CFI: variants seen among roughly 807,000 people sequenced by gnomAD.
The protein encoded by CFI is C3B/C4B inactivator.
In CFI, 66 loss-of-function variants were observed where a neutral mutation model predicts 78.8. The ratio of observed to expected loss-of-function variants is 0.84; its 90% CI spans 0.69 to 1.03. The LOEUF (loss-of-function observed/expected upper bound fraction) is 1.03, where lower values mean the gene tolerates loss of function less well. Among genes scored for constraint, CFI ranks in the 50% least tolerant of loss-of-function variants. CFI has a pLI of 0.00. For synonymous variants in CFI, 250 were observed against 232.6 expected (o/e 1.07, Z -0.68); for missense variants, 706 against 704.5 (o/e 1.00, Z -0.02).
chr4:109,746,042 A>G (rs1724369917), intron 11 of CFI, among the ~76,000 whole-genome samples, 180 bp downstream of exon 11: 1 of 152,182 alleles, frequency 6.6e-6, no homozygotes, highest in East Asian at 1.9e-4. Flanking sequence ...CCTTCTGAGC[A>G]TGGGGTGCTG....
chr4:109,792,632 C>T (rs368213277), intron 1 of CFI, among the ~76,000 whole-genome samples: 3 of 152,068 alleles, frequency 2.0e-5, no homozygotes, highest in Non-Finnish European at 4.4e-5. Flanking sequence ...TATTCTGTCA[C>T]TTTTCATTCA....
At chr4:109,797,842 T>C (rs1373503313) in intron 1 of CFI, among the ~76,000 whole-genome samples, 5 of 152,120 alleles carry the variant, frequency 3.3e-5, no homozygotes, top group Non-Finnish European at 7.4e-5. Context: ...ATTAGGGAAA[T>C]TTAAATCAAA....
At chr4:109,769,822 C>T (rs1384096395) in intron 1 of CFI, among the ~76,000 whole-genome samples, 1 of 152,170 alleles carries the variant, frequency 6.6e-6, no homozygotes, top group African/African-American at 2.4e-5. Flanking sequence ...CTGCTGCCTA[C>T]CATTGAAACA....
At chr4:109,752,021 CA>C (rs1725205589) in intron 8 of CFI, among the ~76,000 whole-genome samples, 2 of 152,152 alleles carry the variant, frequency 1.3e-5, no homozygotes. Context: ...TTTTAGCGCA[CA>C]ACTGGCCAAG....
chr4:109,795,313 TCACACGGGCCTTGCCAGCTGACC>T (rs1350886460), intron 1 of CFI, among the ~76,000 whole-genome samples: 3 of 152,168 alleles, frequency 2.0e-5, no homozygotes, highest in Admixed American at 2.0e-4. Context: ...AACAAGCCGT[TCACACGGGCCTTGCCAGCTGACC>T]CACCCAGAAT....
Position 109,742,346 on chromosome 4 carries a change from C to G in CFI, c.1534+145G>C, listed in dbSNP as rs1199993341. Reference sequence around the variant, plus strand: ...AGAAACCTGAGCTACAGGGAAGGGACTGAAAGAGTTTGAGAGTGCTACAGC... The same window carrying G: ...AGAAACCTGAGCTACAGGGAAGGGAGTGAAAGAGTTTGAGAGTGCTACAGC... On this transcript the variant is annotated intron_variant, in intron 12 of 12. Coordinates refer to ENST00000394634, the MANE Select transcript of CFI (RefSeq NM_000204.5). The G allele has an allele frequency of 7.3e-6, 5 of 688,376 alleles. No homozygotes were observed. In the East Asian group the frequency reaches 1.4e-4, roughly 19 times the overall value. The allele number at this position is 688,376 out of a possible 1,614,324, so 42.6% of individuals were successfully genotyped here. A position where few individuals can be genotyped will look rare whatever the true frequency, so the allele number is the denominator to read the frequency against.
intron 10 of CFI, among the ~76,000 whole-genome samples, chr4:109,747,309 C>G (rs191322100): frequency 1.3e-5 from 2 of 152,264 alleles, no homozygotes; most frequent in East Asian, 1.9e-4. Context: ...CTCAGCCTCC[C>G]TAGTAACTAG....
intron 1 of CFI, 46 bp from the exon 2 acceptor site, chr4:109,766,870 T>A (rs1443881023): frequency 1.3e-6 from 2 of 1,599,024 alleles, no homozygotes; most frequent in Admixed American, 3.3e-5. Flanking sequence ...AATTAAAGAC[T>A]CCTGTTTGAA....
At chr4:109,792,827 A>G (rs1034980626) in intron 1 of CFI, among the ~76,000 whole-genome samples, 2 of 152,186 alleles carry the variant, frequency 1.3e-5, no homozygotes, top group Non-Finnish European at 2.9e-5. Flanking sequence ...TGCACATAAT[A>G]TCTTTTCTAT....
intron 1 of CFI, among the ~76,000 whole-genome samples, chr4:109,789,707 A>C (rs1180860617): frequency 6.6e-6 from 1 of 152,028 alleles, no homozygotes; most frequent in Non-Finnish European, 1.5e-5. Flanking sequence ...TATACAAATA[A>C]ATTAAGGATA....
chr4:109,772,352 G>C (rs1342937490), intron 1 of CFI, among the ~76,000 whole-genome samples: 1 of 152,244 alleles, frequency 6.6e-6, no homozygotes, highest in African/African-American at 2.4e-5. Context: ...GTGTACACCA[G>C]GCTTTGCCTG....
chr4:109,779,931 T>G (rs1204325634), intron 1 of CFI, among the ~76,000 whole-genome samples: 2 of 152,084 alleles, frequency 1.3e-5, no homozygotes, highest in Non-Finnish European at 2.9e-5. Flanking sequence ...TAGCCATAAG[T>G]AGAAAGCTGA....
intron 1 of CFI, among the ~76,000 whole-genome samples, chr4:109,771,549 AC>A (rs1357375655): frequency 1.4e-5 from 2 of 143,328 alleles, no homozygotes; most frequent in East Asian, 2.0e-4. Context: ...TACTAAAAAT[AC>A]AAAAAAAAAA....
At chr4:109,768,982 C>A (rs1326239854) in intron 1 of CFI, among the ~76,000 whole-genome samples, 9 of 150,466 alleles carry the variant, frequency 6.0e-5, no homozygotes, top group Non-Finnish European at 1.3e-4. Context: ...CAGTTACGCA[C>A]TTTTCATGGT....
chr4:109,740,729 C>T lies in CFI; in HGVS notation c.*164G>A. The stretch of plus-strand genomic sequence containing the variant: ...CCAAAATATTTATTTGAGAATTATA[C>T]AACAAAATTCCAATATGGCATAAAC... On this transcript the variant is annotated 3_prime_UTR_variant, in exon 13 of 13. Transcript: ENST00000394634. 1.4e-6 allele frequency: 1 copy of T among 723,900 alleles called. No homozygotes were observed. Among genetic ancestry groups the T allele is most frequent in the Non-Finnish European group, 2.4e-6 (1 of 420,066 alleles). The allele number at this position is 723,900 out of a possible 1,614,324, so 44.8% of individuals were successfully genotyped here. A position where few individuals can be genotyped will look rare whatever the true frequency, so the allele number is the denominator to read the frequency against.
At chr4:109,746,680 T>C (rs1044640630) in intron 10 of CFI, among the ~76,000 whole-genome samples, 178 bp from the exon 11 acceptor site, 1 of 152,172 alleles carries the variant, frequency 6.6e-6, no homozygotes, top group Non-Finnish European at 1.5e-5. Flanking sequence ...ATTAGGTCAA[T>C]GGTAAATGAT....
chr4:109,755,177 G>A (rs1341114470), intron 7 of CFI, among the ~76,000 whole-genome samples: 1 of 152,170 alleles, frequency 6.6e-6, no homozygotes, highest in Non-Finnish European at 1.5e-5. Context: ...AAGCTAGTAT[G>A]CACATGAAGA....
At chr4:109,743,174 A>T (rs945154489) in intron 11 of CFI, among the ~76,000 whole-genome samples, 10 of 152,172 alleles carry the variant, frequency 6.6e-5, no homozygotes, top group Non-Finnish European at 1.3e-4. Context: ...CTGGGATTAC[A>T]GGCATGAGCC....
At chr4:109,731,763 A>G in the CFI span, among the ~76,000 whole-genome samples, 1 of 152,340 alleles carries the variant, frequency 6.6e-6, no homozygotes, top group South Asian at 2.1e-4. Context: ...AGGTATTATT[A>G]TCTTCCTCTT....
Sources: allele counts gnomAD v4.1 joint callset (sites outside exome capture counted in the v4.1 genomes callset), GRCh38; gene constraint gnomAD v4.1.1; transcripts MANE v1.5; gene names NCBI Gene and HGNC (gene_info 2026-07-23, HGNC 2026-07-21).